Variants in OR51B5 observed in about 807,000 individuals in gnomAD.
The protein encoded by OR51B5 is olfactory receptor family 51 subfamily B member 5.
For synonymous variants in OR51B5, 186 were observed against 144.8 expected (o/e 1.28, Z -2.04); for missense variants, 456 against 374.6 (o/e 1.22, Z -1.79).
chr11:5,441,789 G>C (rs183438821), intron 1 of OR51B5, among the ~76,000 whole-genome samples: 1 of 152,232 alleles, frequency 6.6e-6, no homozygotes. Context: ...CATAATAGGA[G>C]ACAACATTAA....
Position 5,454,207 on chromosome 11 carries a change from C to T in OR51B5, n.84+51362G>A. On this transcript the variant is annotated intron_variant and non_coding_transcript_variant, in intron 1 of 4. Transcript: ENST00000415970. Reference sequence around the variant, plus strand: ...GAGGAACGCCTCAAAGCTCTCAACACATGTGTGTCACATATCCTGGCTGTA... The same window carrying T: ...GAGGAACGCCTCAAAGCTCTCAACATATGTGTGTCACATATCCTGGCTGTA... 2.5e-6 allele frequency: 4 copies of T among 1,614,186 alleles called. No individual in the cohort carries two copies. In the South Asian group the frequency reaches 3.3e-5, roughly 13 times the overall value.
intron 1 of OR51B5, among the ~76,000 whole-genome samples, chr11:5,356,221 A>T (rs983717013): frequency 6.6e-6 from 1 of 152,076 alleles, no homozygotes; most frequent in East Asian, 1.9e-4. Flanking sequence ...AAAGTTAAAA[A>T]CCTTGAAAAT....
chr11:5,443,268 G>T (rs1287247204), intron 1 of OR51B5, among the ~76,000 whole-genome samples: 1 of 152,078 alleles, frequency 6.6e-6, no homozygotes, highest in Non-Finnish European at 1.5e-5. Context: ...GAAATTAGAT[G>T]GTGACAAGGT....
chr11:5,496,010 C>T (rs933802371), intron 1 of OR51B5, among the ~76,000 whole-genome samples: 3 of 152,096 alleles, frequency 2.0e-5, no homozygotes, highest in Non-Finnish European at 2.9e-5. Context: ...GAGCAACCCA[C>T]CCCTCACCAA....
rs201222833 is a variant in OR51B5, at chr11:5,420,520, ATC to A, written n.85-73612_85-73611del. Reference sequence around the variant, plus strand: ...TTAATTTTTGATATTTAAGATAGTAATCTCTTCCATATTTTTATAAATATTTT... The same window carrying A: ...TTAATTTTTGATATTTAAGATAGTAATCTTCCATATTTTTATAAATATTTT... On this transcript the variant is annotated intron_variant and non_coding_transcript_variant, in intron 1 of 4. Transcript: ENST00000415970. Among the ~76,000 whole-genome samples, 916 of 151,938 alleles carry A rather than the reference ATC, an allele frequency of 6.0e-3. 4 individuals are homozygous for A. In the Middle Eastern group the frequency reaches 0.079, roughly 13 times the overall value.
At chr11:5,360,014 A>C (rs973574868) in intron 1 of OR51B5, among the ~76,000 whole-genome samples, 1 of 152,222 alleles carries the variant, frequency 6.6e-6, no homozygotes, top group African/African-American at 2.4e-5. Context: ...TACAGACTTA[A>C]ATGTTAGACT....
At chr11:5,469,025 C>T (rs566288182) in intron 1 of OR51B5, 39 of 296,010 alleles carry the variant, frequency 1.3e-4, no homozygotes, top group South Asian at 2.6e-4. Flanking sequence ...TGTGGCATAG[C>T]GCAGCGGGTT....
chr11:5,363,811 T>A (rs1285152898), intron 1 of OR51B5, among the ~76,000 whole-genome samples: 1 of 152,214 alleles, frequency 6.6e-6, no homozygotes, highest in Non-Finnish European at 1.5e-5. Flanking sequence ...ATCCAGACTA[T>A]ATTTAGTGTA....
At chr11:5,491,809 T>C (rs146823112) in intron 1 of OR51B5, among the ~76,000 whole-genome samples, 168 of 152,334 alleles carry the variant, frequency 1.1e-3, no homozygotes, top group Non-Finnish European at 1.8e-3. Flanking sequence ...GCATGAAATA[T>C]GGTTTTACCT....
chr11:5,435,906 C>A (rs1231068634), intron 1 of OR51B5, among the ~76,000 whole-genome samples: 1 of 152,170 alleles, frequency 6.6e-6, no homozygotes, highest in Non-Finnish European at 1.5e-5. Context: ...TTTATACCTC[C>A]TTCCTGTCAG....
chr11:5,364,789 G>A (rs1452312059), intron 1 of OR51B5, among the ~76,000 whole-genome samples: 3 of 152,238 alleles, frequency 2.0e-5, no homozygotes. Context: ...CTTCCTTCCT[G>A]AGCATGTGTT....
chr11:5,341,542 TTTTTAGGATA>T (rs1173700810), downstream of OR51B5, among the ~76,000 whole-genome samples: 2 of 152,184 alleles, frequency 1.3e-5, no homozygotes, highest in Admixed American at 6.5e-5. Flanking sequence ...AACCTCCCTC[TTTTTAGGATA>T]TTTTAAATTG....
rs1849882118 is a variant in OR51B5, at chr11:5,396,924, G to A, written n.85-50014C>T. ...GTCTATCTACAACTATCTGATCTTT[G>A]ACAAACCTGAGAAAAACAAGAAATG... On this transcript the variant is annotated intron_variant and non_coding_transcript_variant, in intron 1 of 4. Transcript: ENST00000415970. Among the ~76,000 whole-genome samples the A allele has an allele frequency of 2.0e-5, 3 of 152,134 alleles. No homozygotes were observed. The South Asian group carries it at 6.2e-4, about 32-fold the overall frequency.
intron 1 of OR51B5, among the ~76,000 whole-genome samples, chr11:5,387,897 A>AGTAT (rs3068332): frequency 0.13 from 19,288 of 151,928 alleles, 1,334 homozygotes; most frequent in Non-Finnish European, 0.16. Context: ...CTTGCATTGC[A>AGTAT]GTATGTATGT....
At chr11:5,403,076 C>T in intron 1 of OR51B5, 1 of 471,618 alleles carries the variant, frequency 2.1e-6, no homozygotes, top group Non-Finnish European at 4.4e-6. Flanking sequence ...ATGCTCATGG[C>T]TCCGTTGCCC....
chr11:5,374,673 T>C (rs901120447), intron 1 of OR51B5, among the ~76,000 whole-genome samples: 5 of 152,092 alleles, frequency 3.3e-5, no homozygotes, highest in South Asian at 2.1e-4. Context: ...GGCTCGAGAA[T>C]GACGTGAAGA....
At chr11:5,375,105 G>A (rs1433435019) in intron 1 of OR51B5, among the ~76,000 whole-genome samples, 1 of 149,938 alleles carries the variant, frequency 6.7e-6, no homozygotes, top group Admixed American at 6.7e-5. Context: ...TACCCACAAA[G>A]GGAAGCCCAT....
intron 1 of OR51B5, among the ~76,000 whole-genome samples, chr11:5,425,868 TAGA>T (rs374351976): frequency 3.2e-4 from 48 of 152,290 alleles, no homozygotes; most frequent in African/African-American, 1.0e-3. Flanking sequence ...CCTGCTACTA[TAGA>T]AGAAGGGACA....
intron 1 of OR51B5, among the ~76,000 whole-genome samples, chr11:5,478,445 G>C (rs1054559752): frequency 6.6e-6 from 1 of 152,022 alleles, no homozygotes; most frequent in African/African-American, 2.4e-5. Flanking sequence ...ACTCTAAAAA[G>C]CAGAGCACCT....
Sources: gnomAD v4.1 joint callset for allele counts (sites outside exome capture counted in the v4.1 genomes callset) on GRCh38, gnomAD v4.1.1 for gene constraint, MANE v1.5 for transcripts, NCBI Gene and HGNC (gene_info 2026-07-23, HGNC 2026-07-21) for gene names.